Variants in CNTLN observed in about 807,000 individuals in gnomAD.
CNTLN encodes centlein, centrosomal protein.
A neutral mutation model predicts 180.0 loss-of-function variants in CNTLN; 212 were observed. That is an observed-to-expected ratio of 1.18 (90% CI 1.05 to 1.32). CNTLN has a LOEUF of 1.32. Ranked by LOEUF, CNTLN falls within the 40% of genes most tolerant of loss-of-function variation. The probability of loss-of-function intolerance (pLI) is 0.00; values close to 1 mark genes in which losing one functional copy is unlikely to be tolerated. For synonymous variants in CNTLN, 722 were observed against 563.1 expected (o/e 1.28, Z -3.99); for missense variants, 2,095 against 1,610.9 (o/e 1.30, Z -5.14).
intron 18 of CNTLN, among the ~76,000 whole-genome samples, chr9:17,439,557 C>T (rs1008507345): frequency 1.3e-5 from 2 of 152,148 alleles, no homozygotes; most frequent in Admixed American, 6.5e-5. Flanking sequence ...AGGTGGTACT[C>T]AGATGGAAAT....
At chr9:17,204,309 T>C (rs1349311016) in intron 2 of CNTLN, among the ~76,000 whole-genome samples, 1 of 152,200 alleles carries the variant, frequency 6.6e-6, no homozygotes, top group Non-Finnish European at 1.5e-5. Flanking sequence ...CTTCCTTTGA[T>C]TTTTGAGGTT....
chr9:17,202,217 G>C (rs1010664189), intron 2 of CNTLN, among the ~76,000 whole-genome samples: 6 of 152,136 alleles, frequency 3.9e-5, no homozygotes, highest in African/African-American at 1.4e-4. Flanking sequence ...TATGATTTCT[G>C]TTTGTTTGCA....
chr9:17,270,814 T>G (rs963423259), intron 5 of CNTLN, among the ~76,000 whole-genome samples: 3 of 152,156 alleles, frequency 2.0e-5, no homozygotes, highest in African/African-American at 7.2e-5. Context: ...TTTTTTCTTT[T>G]TTTGAATTTT....
chr9:17,192,890 G>T (rs971323201), intron 2 of CNTLN, among the ~76,000 whole-genome samples: 1 of 152,116 alleles, frequency 6.6e-6, no homozygotes, highest in Non-Finnish European at 1.5e-5. Flanking sequence ...CCTGAGACTG[G>T]GAAGAAAAAG....
At chr9:17,528,536 A>G in the CNTLN span, among the ~76,000 whole-genome samples, 2 of 152,252 alleles carry the variant, frequency 1.3e-5, no homozygotes, top group Admixed American at 1.3e-4. Flanking sequence ...TGACAACTAC[A>G]TGTAATATGG....
the CNTLN span, among the ~76,000 whole-genome samples, chr9:17,525,313 A>G: frequency 6.6e-6 from 1 of 152,174 alleles, no homozygotes; most frequent in African/African-American, 2.4e-5. Context: ...AATATTTTCT[A>G]AAAGAAAGGT....
chr9:17,355,073 G>A (rs1486926151), intron 12 of CNTLN, among the ~76,000 whole-genome samples: 1 of 152,136 alleles, frequency 6.6e-6, no homozygotes, highest in Admixed American at 6.5e-5. Flanking sequence ...ACATCAGAAG[G>A]GACAGACTCC....
chr9:17,513,007 AT>A, the CNTLN span, among the ~76,000 whole-genome samples: 158 of 151,980 alleles, frequency 1.0e-3, no homozygotes, highest in Admixed American at 2.8e-3. Context: ...TTTAGTAGAG[AT>A]GGGGGTTTCA....
chr9:17,337,101 C>T (rs896567712), intron 10 of CNTLN, among the ~76,000 whole-genome samples: 3 of 152,014 alleles, frequency 2.0e-5, no homozygotes, highest in East Asian at 3.9e-4. Flanking sequence ...GCTACATAAA[C>T]GTGTTCTTTT....
At chr9:17,219,244 C>T (rs10962912) in intron 2 of CNTLN, among the ~76,000 whole-genome samples, 46,351 of 147,298 alleles carry the variant, frequency 0.31, 8,801 homozygotes, top group East Asian at 0.58. Flanking sequence ...CTTTTTTTTT[C>T]TTTTTAAGGA....
At chr9:17,388,460 A>G (rs535261809) in intron 14 of CNTLN, among the ~76,000 whole-genome samples, 140 of 152,184 alleles carry the variant, frequency 9.2e-4, no homozygotes, top group African/African-American at 3.2e-3. Flanking sequence ...GCTTCCATTG[A>G]TGTAGATTAA....
At chr9:17,485,947 T>C (rs1415853072) in intron 24 of CNTLN, among the ~76,000 whole-genome samples, 1 of 152,148 alleles carries the variant, frequency 6.6e-6, no homozygotes, top group African/African-American at 2.4e-5. Flanking sequence ...TGTCTGTGAA[T>C]AAGTGACACC....
the CNTLN span, among the ~76,000 whole-genome samples, chr9:17,522,840 G>A: frequency 9.6e-4 from 146 of 152,260 alleles, no homozygotes; most frequent in East Asian, 0.024. Flanking sequence ...CCATTCACCT[G>A]CATGATGCCC....
chr9:17,229,422 A>G (rs988582924), intron 3 of CNTLN, among the ~76,000 whole-genome samples: 2 of 152,058 alleles, frequency 1.3e-5, no homozygotes, highest in African/African-American at 4.8e-5. Flanking sequence ...AGTGGGATGG[A>G]TTGATTGATT....
intron 1 of CNTLN, among the ~76,000 whole-genome samples, chr9:17,136,282 A>C (rs1817711297): frequency 6.6e-6 from 1 of 152,148 alleles, no homozygotes; most frequent in Non-Finnish European, 1.5e-5. Flanking sequence ...CAACTTAGAA[A>C]CCAATTAGGA....
At chr9:17,390,523 C>T (rs1175775531) in intron 14 of CNTLN, among the ~76,000 whole-genome samples, 2 of 152,064 alleles carry the variant, frequency 1.3e-5, no homozygotes, top group African/African-American at 4.8e-5. Context: ...GGATTACAGG[C>T]ATGAGCCACT....
At chr9:17,437,531 C>T (rs932129248) in intron 18 of CNTLN, among the ~76,000 whole-genome samples, 6 of 152,108 alleles carry the variant, frequency 3.9e-5, no homozygotes, top group Non-Finnish European at 8.8e-5. Flanking sequence ...ATCAATGTTT[C>T]AGGAAGTGAA....
chr9:17,298,475 A>G (rs1818111504), intron 7 of CNTLN, 123 bp downstream of exon 7: 1 of 1,339,428 alleles, frequency 7.5e-7, no homozygotes, highest in African/African-American at 1.5e-5. Context: ...GTGTTTCCTC[A>G]AAATTTAGAA....
chr9:17,164,089 A>G (rs1586969268), intron 2 of CNTLN, among the ~76,000 whole-genome samples: 1 of 151,864 alleles, frequency 6.6e-6, no homozygotes, highest in African/African-American at 2.4e-5. Context: ...AGGCCGGCGG[A>G]TCACTTGAGG....
Sources: gnomAD v4.1 joint callset for allele counts (sites outside exome capture counted in the v4.1 genomes callset) on GRCh38, gnomAD v4.1.1 for gene constraint, MANE v1.5 for transcripts, NCBI Gene and HGNC (gene_info 2026-07-23, HGNC 2026-07-21) for gene names.